Variants in FAM110B observed in about 807,000 individuals in gnomAD.
FAM110B encodes family with sequence similarity 110 member B.
FAM110B carries 6 observed loss-of-function variants against 20.4 expected under a neutral mutation model. That is an observed-to-expected ratio of 0.29 (90% CI 0.16 to 0.58). The LOEUF is 0.58. Ranked by LOEUF, FAM110B falls within the 20% of genes least tolerant of loss-of-function variation. The pLI, the probability that FAM110B is intolerant of heterozygous loss-of-function variation, is 0.90. For synonymous variants in FAM110B, 226 were observed against 214.1 expected, an observed-to-expected ratio of 1.06 and a Z score of -0.49; for missense variants, 434 against 498.2, an observed-to-expected ratio of 0.87 and a Z score of 1.23.
At chr8:58,104,217 G>A (rs549627922) in intron 3 of FAM110B, among the ~76,000 whole-genome samples, 1 of 152,262 alleles carries the variant, frequency 6.6e-6, no homozygotes, top group South Asian at 2.1e-4. Context: ...GGACACTATA[G>A]TTCCACCTGT....
At chr8:58,030,547 GCATAGATCTT>G (rs1236703205) in intron 1 of FAM110B, among the ~76,000 whole-genome samples, 1 of 108,818 alleles carries the variant, frequency 9.2e-6, no homozygotes, top group Admixed American at 8.6e-5. Context: ...GAGGACGCTG[GCATAGATCTT>G]AATGAAGTAG....
In FAM110B at chr8:58,006,635, C is replaced by T. The variant is rs1045349190; in HGVS notation, c.-512+11829C>T. Among the ~76,000 whole-genome samples, 8 of 150,854 alleles carry T rather than the reference C, an allele frequency of 5.3e-5. No individual in the cohort carries two copies. The South Asian group carries it at 1.7e-3, about 32-fold the overall frequency. On this transcript the variant is annotated intron_variant, in intron 1 of 3. Transcript: ENST00000519262. ...TTTTTTTTTTCAATGCAGGGTCTCA[C>T]TCTGTCACCCAGGCTGGAGTGCAGT...
intron 3 of FAM110B, among the ~76,000 whole-genome samples, chr8:58,098,372 G>A (rs1806688121): frequency 6.6e-6 from 1 of 152,206 alleles, no homozygotes; most frequent in Admixed American, 6.5e-5. Flanking sequence ...TCACGCTTCA[G>A]TAATGACAGA....
chr8:58,122,171 C>T (rs1563377698), intron 3 of FAM110B, among the ~76,000 whole-genome samples: 1 of 152,096 alleles, frequency 6.6e-6, no homozygotes, highest in African/African-American at 2.4e-5. Flanking sequence ...ATTTTGAAGA[C>T]ATTAAATGCT....
At position 58,062,808 on chromosome 8, in the gene FAM110B, TC is replaced by T. The variant is rs543964555; in HGVS notation, c.-413-12725del. Among the ~76,000 whole-genome samples, 370 of 152,346 alleles carry T rather than the reference TC, an allele frequency of 2.4e-3. 1 individual carries two copies. The highest frequency in any genetic ancestry group is 0.017 in the Middle Eastern group (5 of 294). Reference sequence around the variant, plus strand: ...CATCACTTAAACTTATTGGCTGCTTTCCAGACATTTGAATCTGGCCATATCT... The same window carrying T: ...CATCACTTAAACTTATTGGCTGCTTTCAGACATTTGAATCTGGCCATATCT... On this transcript the variant is annotated intron_variant, in intron 2 of 3. Coordinates refer to ENST00000519262, the MANE Select transcript of FAM110B (RefSeq NM_001377989.1).
At chr8:58,132,691 C>T (rs1384303938) in intron 3 of FAM110B, among the ~76,000 whole-genome samples, 2 of 152,180 alleles carry the variant, frequency 1.3e-5, no homozygotes, top group Non-Finnish European at 2.9e-5. Flanking sequence ...AGGCGGCCAA[C>T]AAATGATTGC....
intron 3 of FAM110B, among the ~76,000 whole-genome samples, chr8:58,140,822 C>T (rs184973954): frequency 2.0e-4 from 30 of 152,340 alleles, no homozygotes; most frequent in African/African-American, 7.2e-4. Context: ...TTTGTCTCCT[C>T]CTTACCCTTC....
rs1172225588 is a variant in FAM110B at position 58,146,485 on chromosome 8, G to T, written c.255G>T (p.Val85=). The T allele has an allele frequency of 6.2e-7, 1 of 1,613,522 alleles. No homozygotes were observed. The highest frequency in any genetic ancestry group is 2.2e-5 in the East Asian group (1 of 44,860). Residue 85 remains valine, a synonymous_variant, in exon 4 of 4, where the codon GTG becomes GTT. Coordinates refer to ENST00000519262, the MANE Select transcript of FAM110B (RefSeq NM_001377989.1). ...VKPAVLAKPP[V]CPAAKRALGS... ...CCGCCGTGCTGGCCAAGCCCCCGGT[G>T]TGCCCGGCTGCCAAGCGCGCACTGG...
At chr8:58,074,108 C>T (rs554704976) in intron 2 of FAM110B, among the ~76,000 whole-genome samples, 4 of 152,272 alleles carry the variant, frequency 2.6e-5, no homozygotes, top group South Asian at 4.1e-4. Flanking sequence ...CCTCCGGACC[C>T]CACCCCACTG....
chr8:58,069,451 T>C (rs1267118865), intron 2 of FAM110B, among the ~76,000 whole-genome samples: 2 of 152,228 alleles, frequency 1.3e-5, no homozygotes, highest in African/African-American at 4.8e-5. Context: ...GCAGTCTGGC[T>C]GTGAGAACGC....
intron 2 of FAM110B, among the ~76,000 whole-genome samples, chr8:58,038,861 A>G (rs1239803087): frequency 1.3e-5 from 2 of 152,202 alleles, no homozygotes; most frequent in Admixed American, 1.3e-4. Flanking sequence ...GACCCAGAGA[A>G]GAGCTTGGCA....
chr8:58,100,143 G>A (rs1467171050), intron 3 of FAM110B, among the ~76,000 whole-genome samples: 2 of 151,976 alleles, frequency 1.3e-5, no homozygotes. Flanking sequence ...TGTAAACTCT[G>A]GTCTCCTGGT....
chr8:58,035,018 A>G (rs542338623), intron 2 of FAM110B, among the ~76,000 whole-genome samples: 99 of 152,314 alleles, frequency 6.5e-4, no homozygotes, highest in Non-Finnish European at 6.9e-4. Context: ...GCTCATTCAT[A>G]AAAGCTTTGG....
rs761091750 is a variant in FAM110B, at chr8:58,006,901, GTATA to G, written c.-512+12115_-512+12118del. Among the ~76,000 whole-genome samples, 365 of 97,546 alleles carry G rather than the reference GTATA, an allele frequency of 3.7e-3. 17 individuals are homozygous for G. Among genetic ancestry groups the G allele is most frequent in the East Asian group, 0.033 (101 of 3,064 alleles). The allele number at this position is 97,546 out of a possible 152,430, so 64.0% of individuals were successfully genotyped here. On this transcript the variant is annotated intron_variant, in intron 1 of 3. Transcript: ENST00000519262. ...TGAGCCACTGGGCCTGGCTTAATTG[GTATA>G]TATATATATATATATATATTTTTCC...
intron 3 of FAM110B, among the ~76,000 whole-genome samples, chr8:58,098,339 G>C (rs1806687085): frequency 6.6e-6 from 1 of 152,220 alleles, no homozygotes. Flanking sequence ...CTTTGTTTAT[G>C]CTGTGAGGGG....
intron 2 of FAM110B, among the ~76,000 whole-genome samples, chr8:58,033,524 C>A (rs777529186): frequency 1.3e-5 from 2 of 152,160 alleles, no homozygotes; most frequent in Non-Finnish European, 2.9e-5. Flanking sequence ...AGTGTATAAT[C>A]CTTCCCTTTC....
chr8:58,115,070 T>C (rs1807168698), intron 3 of FAM110B, among the ~76,000 whole-genome samples: 1 of 151,908 alleles, frequency 6.6e-6, no homozygotes, highest in African/African-American at 2.4e-5. Flanking sequence ...TCGACTTTCC[T>C]CAGAATATGT....
intron 2 of FAM110B, among the ~76,000 whole-genome samples, chr8:58,068,675 CA>C: frequency 6.6e-6 from 1 of 151,138 alleles, no homozygotes; most frequent in Non-Finnish European, 1.5e-5. Context: ...ACTGGTAGAA[CA>C]TACCCACTTG....
chr8:58,120,905 A>C (rs1214675987), intron 3 of FAM110B, among the ~76,000 whole-genome samples: 2 of 152,206 alleles, frequency 1.3e-5, no homozygotes, highest in African/African-American at 4.8e-5. Context: ...GCCAACATCC[A>C]AGCAAGGCGG....
Sources: gnomAD v4.1 joint callset for allele counts (sites outside exome capture counted in the v4.1 genomes callset) on GRCh38, gnomAD v4.1.1 for gene constraint, MANE v1.5 for transcripts, NCBI Gene and HGNC (gene_info 2026-07-23, HGNC 2026-07-21) for gene names.